IGSF9B: variants seen among roughly 807,000 people sequenced by gnomAD.
The protein encoded by IGSF9B is protein turtle homolog B.
A neutral mutation model predicts 143.7 loss-of-function variants in IGSF9B; 48 were observed. The ratio of observed to expected loss-of-function variants is 0.33; its 90% CI spans 0.26 to 0.42. The LOEUF (loss-of-function observed/expected upper bound fraction) is 0.42. Ranked by LOEUF, IGSF9B falls within the 20% of genes least tolerant of loss-of-function variation. The pLI, the probability that IGSF9B is intolerant of heterozygous loss-of-function variation, is 1.00. For missense variants in IGSF9B, 1,706 were observed against 1,980.0 expected (o/e 0.86, Z 2.63); for synonymous variants, 903 against 833.1 (o/e 1.08, Z -1.44).
chr11:133,897,915 A>C lies in IGSF9B; in HGVS notation c.*11154T>G, dbSNP rs560756272. On this transcript the variant is annotated 3_prime_UTR_variant, in exon 20 of 20. Coordinates refer to ENST00000533871, the MANE Select transcript of IGSF9B (RefSeq NM_001277285.4). The stretch of plus-strand genomic sequence containing the variant: ...CAAACTCACTTTAACCAGTCCATAC[A>C]TACATACAGAAAAGAAAGAGAGAGA... 3.0e-4 allele frequency: 45 copies of C among 152,206 alleles called. No homozygotes were observed. The highest frequency in any genetic ancestry group is 1.1e-3 in the African/African-American group (44 of 41,528). 9.4% of individuals were successfully genotyped at this position (152,206 alleles called of 1,614,324 possible).
chr11:133,907,019 C>T lies in IGSF9B; in HGVS notation c.*2050G>A, dbSNP rs1030874711. ...CAAAGAGTTGTGTGCTCTTCCATCTCGCAGAGCTGGTGCCCAGTGGTCAAG... is the reference window on the plus strand; with the variant it reads ...CAAAGAGTTGTGTGCTCTTCCATCTTGCAGAGCTGGTGCCCAGTGGTCAAG... On this transcript the variant is annotated 3_prime_UTR_variant, in exon 20 of 20. Transcript: ENST00000533871. Among the ~76,000 whole-genome samples, 1 of 152,138 alleles carries T rather than the reference C, an allele frequency of 6.6e-6. No homozygotes were observed. Among genetic ancestry groups the T allele is most frequent in the Non-Finnish European group, 1.5e-5 (1 of 68,030 alleles).
chr11:133,916,936 T>C (rs1432554217), intron 18 of IGSF9B, among the ~76,000 whole-genome samples: 10 of 152,138 alleles, frequency 6.6e-5, no homozygotes, highest in Non-Finnish European at 7.4e-5. Flanking sequence ...ACACTCACCC[T>C]ATGCCAGACA....
chr11:133,945,093 CAT>C lies in IGSF9B; in HGVS notation c.263-729_263-728del, dbSNP rs977489320. ...CCAGTAGGATGCCATCTGTGTCTCA[CAT>C]GTGGCAATGAGGAGGCCAGAGGTGC... On this transcript the variant is annotated intron_variant, in intron 2 of 19. Transcript: ENST00000533871. The surrounding 1 kb of genome is among the most constrained non-coding windows in gnomAD (Gnocchi z 4.6). Among the ~76,000 whole-genome samples, 7 of 152,310 alleles carry C rather than the reference CAT, an allele frequency of 4.6e-5. No individual in the cohort carries two copies. Among genetic ancestry groups the C allele is most frequent in the Non-Finnish European group, 8.8e-5 (6 of 68,020 alleles).
chr11:133,922,297 G>T, intron 16 of IGSF9B, 75 bp from the exon 17 acceptor site: 4 of 1,344,140 alleles, frequency 3.0e-6, no homozygotes, highest in South Asian at 2.5e-5. Context: ...TGCAGAGGCT[G>T]ACAGAGCCGG....
intron 3 of IGSF9B, among the ~76,000 whole-genome samples, chr11:133,939,004 C>G (rs553598244): frequency 6.6e-6 from 1 of 152,256 alleles, no homozygotes; most frequent in African/African-American, 2.4e-5. Flanking sequence ...GAGGCATTCA[C>G]GGGAAGCTTT....
chr11:133,928,823 A>G lies in IGSF9B; in HGVS notation c.1631+848T>C, dbSNP rs1300884126. On this transcript the variant is annotated intron_variant, in intron 12 of 19. Transcript: ENST00000533871. The surrounding 1 kb of genome is among the most constrained non-coding windows in gnomAD (Gnocchi z 4.7). ...CCTAAGGTTTGCGCAAAGACCTCAT[A>G]TGACTGCATCTGGCTAAACTGACAA... 6.6e-6 allele frequency among the ~76,000 whole-genome samples: 1 copy of G among 152,188 alleles called. No individual in the cohort carries two copies. The highest frequency in any genetic ancestry group is 6.5e-5 in the Admixed American group (1 of 15,286).
rs778435305 is a variant in IGSF9B, at chr11:133,948,425, C to T, written c.65-2167G>A. Among the ~76,000 whole-genome samples, 5 of 152,182 alleles carry T rather than the reference C, an allele frequency of 3.3e-5. No homozygotes were observed. Among genetic ancestry groups the T allele is most frequent in the Non-Finnish European group, 7.3e-5 (5 of 68,044 alleles). ...CTTCCCAATTTCCCCCACCCCCAACCTTGCTTCAGGCTAAGTTTGCAACCC... is the reference window on the plus strand; with the variant it reads ...CTTCCCAATTTCCCCCACCCCCAACTTTGCTTCAGGCTAAGTTTGCAACCC... On this transcript the variant is annotated intron_variant, in intron 1 of 19. Transcript: ENST00000533871. The surrounding 1 kb of genome is among the most constrained non-coding windows in gnomAD (Gnocchi z 4.7).
At chr11:133,940,382 G>A (rs368374496) in intron 3 of IGSF9B, among the ~76,000 whole-genome samples, 2 of 125,130 alleles carry the variant, frequency 1.6e-5, no homozygotes, top group South Asian at 2.7e-4. Context: ...GCACGTCCTC[G>A]CATGCGTCAT....
intron 19 of IGSF9B, among the ~76,000 whole-genome samples, chr11:133,910,860 A>G (rs979164289): frequency 7.9e-5 from 12 of 152,168 alleles, no homozygotes; most frequent in African/African-American, 2.4e-4. Context: ...TGGGTTAACA[A>G]TGGGCTTAAT....
rs977797815 is a variant in IGSF9B at position 133,905,356 on chromosome 11, G to A, written c.*3713C>T. On this transcript the variant is annotated 3_prime_UTR_variant, in exon 20 of 20. Coordinates refer to ENST00000533871, the MANE Select transcript of IGSF9B (RefSeq NM_001277285.4). This position sits in a 1 kb window ranked among gnomAD's most constrained non-coding sequence, Gnocchi z 4.0. The stretch of plus-strand genomic sequence containing the variant: ...CGTGGGCAGTGCCAAAGATGCTGGA[G>A]GCTCCGTGAAATCTGTTTCTCCCTA... Among the ~76,000 whole-genome samples, 5 of 152,038 alleles carry A rather than the reference G, an allele frequency of 3.3e-5. No individual in the cohort carries two copies. The highest frequency in any genetic ancestry group is 2.9e-5 in the Non-Finnish European group (2 of 68,014).
chr11:133,944,154 A>G (rs1940000655), intron 3 of IGSF9B, 66 bp downstream of exon 3: 11 of 1,512,496 alleles, frequency 7.3e-6, no homozygotes, highest in Non-Finnish European at 9.8e-6. Flanking sequence ...GGGCAGGCCC[A>G]CCCCGGAAAC....
At chr11:133,951,540 G>T (rs1474399214) in intron 1 of IGSF9B, among the ~76,000 whole-genome samples, 1 of 152,220 alleles carries the variant, frequency 6.6e-6, no homozygotes, top group Non-Finnish European at 1.5e-5. Context: ...AGGCCGGGAT[G>T]CTATTAGCAA....
chr11:133,947,525 G>C (rs1285298127), intron 1 of IGSF9B, among the ~76,000 whole-genome samples: 1 of 152,220 alleles, frequency 6.6e-6, no homozygotes, highest in Non-Finnish European at 1.5e-5. Flanking sequence ...TCCCGCAGGG[G>C]AGGATGCCCA....
At chr11:133,950,722 C>T (rs1013233966) in intron 1 of IGSF9B, among the ~76,000 whole-genome samples, 3 of 152,172 alleles carry the variant, frequency 2.0e-5, no homozygotes, top group Non-Finnish European at 4.4e-5. Context: ...AGAAGGCGGC[C>T]GGGTGGGCTC....
chr11:133,920,801 G>A lies in IGSF9B; in HGVS notation c.2924C>T (p.Pro975Leu), dbSNP rs1939516013. The A allele has an allele frequency of 2.5e-6, 4 of 1,608,352 alleles. No homozygotes were observed. In the South Asian group the frequency reaches 3.3e-5, roughly 13 times the overall value. ...QYYGYLSSSS[P>L]GEVEPPPFYV... Reference sequence around the variant, plus strand: ...GAACGGGGGCGGCTCCACCTCCCCAGGGCTGCTGCTGCTGAGGTACCCATA... The same window carrying A: ...GAACGGGGGCGGCTCCACCTCCCCAAGGCTGCTGCTGCTGAGGTACCCATA... The change falls in exon 18 of 20, where the codon CCT (proline) becomes CTT (leucine). Residue 975 changes from proline to leucine, a missense_variant. Coordinates refer to ENST00000533871, the MANE Select transcript of IGSF9B (RefSeq NM_001277285.4).
intron 18 of IGSF9B, among the ~76,000 whole-genome samples, chr11:133,916,739 A>C (rs1284454554): frequency 6.6e-6 from 1 of 152,180 alleles, no homozygotes; most frequent in East Asian, 1.9e-4. Context: ...ATAACACATG[A>C]GAGCAGAGTC....
chr11:133,940,718 G>C lies in IGSF9B; in HGVS notation c.410-2757C>G, dbSNP rs564082716. On this transcript the variant is annotated intron_variant, in intron 3 of 19. Coordinates refer to ENST00000533871, the MANE Select transcript of IGSF9B (RefSeq NM_001277285.4). ...GCAAAAACACACCTCGCATGTCCTC[G>C]CACGCGTCATCACATACAGAAACAT... is the stretch of plus-strand genomic sequence containing the variant. Among the ~76,000 whole-genome samples the C allele has an allele frequency of 7.7e-5, 11 of 143,592 alleles. No homozygotes were observed. The South Asian group carries it at 2.5e-3, about 32-fold the overall frequency. 94.2% of individuals were successfully genotyped at this position (143,592 alleles called of 152,430 possible).
At chr11:133,910,089 G>C (rs1162003998) in intron 19 of IGSF9B, among the ~76,000 whole-genome samples, 1 of 152,196 alleles carries the variant, frequency 6.6e-6, no homozygotes, top group Non-Finnish European at 1.5e-5. Flanking sequence ...AGTTGGAAAA[G>C]AGTGAGGCAA....
Position 133,912,222 on chromosome 11 carries a change from G to A in IGSF9B, c.3984-215C>T, listed in dbSNP as rs180723841. The A allele has an allele frequency of 8.0e-5, 55 of 687,196 alleles. No homozygotes were observed. In the Admixed American group the frequency reaches 8.1e-4, roughly 10 times the overall value. 42.6% of individuals were successfully genotyped at this position (687,196 alleles called of 1,614,324 possible). A position where few individuals can be genotyped will look rare whatever the true frequency, so the allele number is the denominator to read the frequency against. On this transcript the variant is annotated intron_variant, in intron 18 of 19. Coordinates refer to ENST00000533871, the MANE Select transcript of IGSF9B (RefSeq NM_001277285.4). Reference sequence around the variant, plus strand: ...AAGCTCCAGGAGCATGGCCCACCTCGGATGGAAACCAACCTGCAGAGCAAT... The same window carrying A: ...AAGCTCCAGGAGCATGGCCCACCTCAGATGGAAACCAACCTGCAGAGCAAT...
Sources: gnomAD v4.1 joint callset for allele counts (sites outside exome capture counted in the v4.1 genomes callset) on GRCh38, gnomAD v4.1.1 for gene constraint, Gnocchi (gnomAD v3.1) non-coding constraint, MANE v1.5 for transcripts, NCBI Gene and HGNC (gene_info 2026-07-23, HGNC 2026-07-21) for gene names.